LILRB3: variants seen among roughly 807,000 people sequenced by gnomAD.
LILRB3 encodes leukocyte immunoglobulin-like receptor subfamily B member 3.
In LILRB3, 32 loss-of-function variants were observed where a neutral mutation model predicts 68.2. The observed-to-expected ratio is 0.47, with a 90% CI of 0.35 to 0.63. LILRB3 has a LOEUF of 0.63. Among genes scored for constraint, LILRB3 ranks in the 30% least tolerant of loss-of-function variants. The probability of loss-of-function intolerance (pLI) is 0.00; values close to 1 mark genes in which losing one functional copy is unlikely to be tolerated. For synonymous variants in LILRB3, 185 were observed against 323.1 expected, an observed-to-expected ratio of 0.57 and a Z score of 4.58; for missense variants, 502 against 791.3, an observed-to-expected ratio of 0.63 and a Z score of 4.39.
chr19:54,222,241 C>T, intron 3 of LILRB3, 37 bp downstream of exon 3: 2 of 1,611,348 alleles, frequency 1.2e-6, no homozygotes, highest in Non-Finnish European at 1.7e-6. Flanking sequence ...TTCCTGAGGG[C>T]AGAGCCTGGG....
chr19:54,216,557 G>T (rs780342509), exon 13 of LILRB3: 1 of 866,254 alleles, frequency 1.2e-6, no homozygotes, highest in Non-Finnish European at 1.4e-6. Context: ...TGATCCGCCC[G>T]CATCAGCCTC....
chr19:54,218,464 G>T, intron 10 of LILRB3, 51 bp from the exon 11 acceptor site: 1 of 1,611,832 alleles, frequency 6.2e-7, no homozygotes, highest in Non-Finnish European at 8.5e-7. Flanking sequence ...AGACCTCTCA[G>T]TCCTGCTGGC....
intron 11 of LILRB3, 139 bp from the exon 12 acceptor site, chr19:54,217,613 G>C: frequency 8.4e-7 from 1 of 1,188,086 alleles, no homozygotes; most frequent in Non-Finnish European, 1.2e-6. Flanking sequence ...GGCCGTGGAG[G>C]GTCTGGCCGC....
rs1394939877 is a variant in LILRB3 at position 54,218,354 on chromosome 19, A to T, written c.1593+7T>A. The stretch of plus-strand genomic sequence containing the variant: ...CCTTTGGTGCCTGGGACGGGGCGGG[A>T]TCTCACCTGACTGTCCAGCTCCACC... On this transcript the variant is annotated splice_region_variant and intron_variant, in intron 11 of 12. Transcript: ENST00000445347. 1.2e-6 allele frequency: 2 copies of T among 1,613,730 alleles called. No homozygotes were observed. The highest frequency in any genetic ancestry group is 2.7e-5 in the African/African-American group (2 of 74,850).
intron 10 of LILRB3, 41 bp downstream of exon 10, chr19:54,218,604 G>A: frequency 6.2e-7 from 1 of 1,614,014 alleles, no homozygotes; most frequent in Non-Finnish European, 8.5e-7. Context: ...TGGGACTCCT[G>A]TCTCTCCAGC....
chr19:54,218,816 C>T, exon 9 of LILRB3: 1 of 1,614,110 alleles, frequency 6.2e-7, no homozygotes. Context: ...CTGCAGGACG[C>T]TGGAAATCAG....
At chr19:54,217,651 C>T (rs1005710436) in intron 11 of LILRB3, 177 bp from the exon 12 acceptor site, 27 of 1,017,010 alleles carry the variant, frequency 2.7e-5, no homozygotes, top group Admixed American at 1.7e-4. Flanking sequence ...GGCCTCTGCT[C>T]CTCACTCTGA....
chr19:54,222,999 G>C (rs201064613), exon 1 of LILRB3: 1 of 1,612,242 alleles, frequency 6.2e-7, no homozygotes, highest in Admixed American at 1.7e-5. Context: ...CGGTGACCCC[G>C]CGCTCTGCAG....
chr19:54,219,556 C>T (rs1185486952), intron 7 of LILRB3: 3 of 1,550,104 alleles, frequency 1.9e-6, no homozygotes, highest in East Asian at 2.4e-5. Flanking sequence ...CCGTCCTGAA[C>T]CACGGCCCTG....
At chr19:54,216,690 T>C (rs76368364) in exon 13 of LILRB3, 37 of 588,460 alleles carry the variant, frequency 6.3e-5, no homozygotes, top group Non-Finnish European at 7.8e-5. Context: ...ACATTCACTG[T>C]TTTTTTTTTT....
Position 54,221,182 on chromosome 19 carries a change from CAG to C in LILRB3, c.854_855del (p.Pro285ArgfsTer26). On this transcript the variant is annotated frameshift_variant, in exon 5 of 13. Transcript: ENST00000445347. LOFTEE classifies it high-confidence loss of function. ...TACTGGCCCCCGTAGGAGCGGCTCA[CAG>C]GGCCCAGGGTGAAGTTGGCCTGGGA... is the stretch of plus-strand genomic sequence containing the variant. 1.3e-6 allele frequency: 2 copies of C among 1,514,366 alleles called. No homozygotes were observed. Among genetic ancestry groups the C allele is most frequent in the Non-Finnish European group, 1.8e-6 (2 of 1,123,672 alleles). 93.8% of individuals were successfully genotyped at this position (1,514,366 alleles called of 1,614,324 possible).
At chr19:54,218,870 G>A (rs936471459) in intron 8 of LILRB3, 32 bp from the exon 9 acceptor site, 1 of 1,613,966 alleles carries the variant, frequency 6.2e-7, no homozygotes, top group East Asian at 2.2e-5. Context: ...CTCAGCCCTG[G>A]GAACATTAGA....
At chr19:54,219,660 C>T in intron 7 of LILRB3, 3 of 1,483,268 alleles carry the variant, frequency 2.0e-6, no homozygotes, top group African/African-American at 1.4e-5. Flanking sequence ...TGGGAGGCCT[C>T]CTCTCCCAGG....
In LILRB3 at chr19:54,216,972, A is replaced by C. The variant is rs894290043; in HGVS notation, c.*121T>G. On this transcript the variant is annotated 3_prime_UTR_variant, in exon 13 of 13. Coordinates refer to ENST00000445347, the Ensembl canonical transcript of LILRB3. The stretch of plus-strand genomic sequence containing the variant: ...TCCCACAAGTTCCCAGCGTCTCCTC[A>C]TGGTCTGTGTTAGGGGTCCAGGCTG... 18 of 1,554,736 alleles carry C rather than the reference A, an allele frequency of 1.2e-5. No individual in the cohort carries two copies. In the African/African-American group the frequency reaches 2.2e-4, roughly 19 times the overall value.
At chr19:54,216,676 T>G in exon 13 of LILRB3, 1 of 1,060,446 alleles carries the variant, frequency 9.4e-7, no homozygotes, top group South Asian at 3.4e-5. Context: ...TCATTCAGTT[T>G]AAAACATTCA....
intron 8 of LILRB3, 31 bp downstream of exon 8, chr19:54,219,098 C>T (rs1158908392): frequency 7.1e-6 from 11 of 1,558,584 alleles, no homozygotes; most frequent in Non-Finnish European, 9.5e-6. Flanking sequence ...CACCCTCGGT[C>T]GACCCATGGG....
chr19:54,219,938 G>T, intron 7 of LILRB3: 1 of 1,371,368 alleles, frequency 7.3e-7, no homozygotes, highest in Non-Finnish European at 1.0e-6. Context: ...GGACAGGGAG[G>T]TGAAGGCTGG....
At position 54,217,598 on chromosome 19, in the gene LILRB3, C is replaced by G. The variant is rs1042415463; in HGVS notation, c.1594-124G>C. 6 of 1,318,482 alleles carry G rather than the reference C, an allele frequency of 4.6e-6. No individual in the cohort carries two copies. In the African/African-American group the frequency reaches 9.3e-5, roughly 20 times the overall value. The allele number at this position is 1,318,482 out of a possible 1,614,324, so 81.7% of individuals were successfully genotyped here. On this transcript the variant is annotated intron_variant, in intron 11 of 12. Coordinates refer to ENST00000445347, the Ensembl canonical transcript of LILRB3. ...TTTCCTGATGGAATCTCAGGGACGC[C>G]CTAAGGCCGTGGAGGGTCTGGCCGC...
At chr19:54,220,878 C>T in intron 5 of LILRB3, 48 bp from the exon 6 acceptor site, 1 of 1,424,170 alleles carries the variant, frequency 7.0e-7, no homozygotes, top group South Asian at 1.3e-5. Flanking sequence ...TTGCTCTGAG[C>T]TGACACCTCC....
Sources: gnomAD v4.1 joint callset for allele counts on GRCh38, gnomAD v4.1.1 for gene constraint, MANE v1.5 for transcripts, NCBI Gene and HGNC (gene_info 2026-07-23, HGNC 2026-07-21) for gene names.